TRIM44: variants seen among roughly 807,000 people sequenced by gnomAD.
TRIM44 encodes the protein tripartite motif containing 44.
Under a neutral mutation model 37.4 loss-of-function variants are expected in TRIM44, and 13 were observed. That is an observed-to-expected ratio of 0.35 (90% confidence interval 0.23 to 0.55). TRIM44 has a LOEUF of 0.55. Among genes scored for constraint, TRIM44 ranks in the 20% least tolerant of loss-of-function variants. The probability of loss-of-function intolerance (pLI) is 0.89; values close to 1 mark genes in which losing one functional copy is unlikely to be tolerated. For missense variants in TRIM44, 426 were observed against 437.2 expected, an observed-to-expected ratio of 0.97 and a Z score of 0.23; for synonymous variants, 175 against 157.2, an observed-to-expected ratio of 1.11 and a Z score of -0.85.
At chr11:35,773,382 T>C (rs988122561) in intron 4 of TRIM44, among the ~76,000 whole-genome samples, 4 of 152,192 alleles carry the variant, frequency 2.6e-5, no homozygotes, top group African/African-American at 9.7e-5. Context: ...TTCCAGATGT[T>C]AGACCTTTGT....
At chr11:35,708,522 A>T (rs1851919328) in intron 2 of TRIM44, among the ~76,000 whole-genome samples, 1 of 151,884 alleles carries the variant, frequency 6.6e-6, no homozygotes, top group South Asian at 2.1e-4. Context: ...CAAATGTCCA[A>T]CAATGATAGA....
intron 4 of TRIM44, among the ~76,000 whole-genome samples, chr11:35,800,598 C>T (rs1042149303): frequency 1.6e-4 from 25 of 152,202 alleles, no homozygotes; most frequent in African/African-American, 5.8e-4. Context: ...ACTTCCCACT[C>T]GACCCAGGAG....
intron 4 of TRIM44, among the ~76,000 whole-genome samples, chr11:35,788,488 T>C (rs1196858223): frequency 6.6e-6 from 1 of 152,196 alleles, no homozygotes; most frequent in Non-Finnish European, 1.5e-5. Context: ...ATCAGATTCA[T>C]GGAGTCCTTC....
chr11:35,741,028 T>TA (rs978054174), intron 4 of TRIM44, among the ~76,000 whole-genome samples: 88 of 152,274 alleles, frequency 5.8e-4, no homozygotes, highest in African/African-American at 2.1e-3. Flanking sequence ...AAGTTAGTGA[T>TA]ACGCTTAGGT....
Position 35,806,498 on chromosome 11 carries a change from C to G in TRIM44, c.*113C>G, listed in dbSNP as rs998319679. 8.8e-7 allele frequency: 1 copy of G among 1,134,428 alleles called. No individual in the cohort carries two copies. Among genetic ancestry groups the G allele is most frequent in the African/African-American group, 1.5e-5 (1 of 65,770 alleles). 70.3% of individuals were successfully genotyped at this position (1,134,428 alleles called of 1,614,324 possible). A position where few individuals can be genotyped will look rare whatever the true frequency, so the allele number is the denominator to read the frequency against. On this transcript the variant is annotated 3_prime_UTR_variant, in exon 5 of 5. Transcript: ENST00000299413. ...CTGCTCAGCAACAAACGTACTTCCA[C>G]CAGATGTGTCCCCAGATCCACAGCA... is the stretch of plus-strand genomic sequence containing the variant.
chr11:35,716,147 G>A (rs1852037688), intron 2 of TRIM44, among the ~76,000 whole-genome samples: 1 of 152,210 alleles, frequency 6.6e-6, no homozygotes, highest in African/African-American at 2.4e-5. Flanking sequence ...GGCAGAGGGA[G>A]TGAAGAGCAC....
intron 2 of TRIM44, among the ~76,000 whole-genome samples, chr11:35,701,890 C>G (rs1051465188): frequency 6.6e-6 from 1 of 152,184 alleles, no homozygotes; most frequent in African/African-American, 2.4e-5. Flanking sequence ...GTAAGTAGTT[C>G]TTACCATTTT....
rs1426872018 is a variant in TRIM44, at chr11:35,726,100, T to A, written c.924T>A (p.Thr308=). The stretch of plus-strand genomic sequence containing the variant: ...AATCCCACATGGATAGGTTGATGAC[T>A]CAGATGGCCCAAGCCAAGGAACAAC... The part of the protein sequence containing the change: ...DIQSHMDRLM[T]QMAQAKEQLD... Residue 308 remains threonine, a synonymous_variant, in exon 3 of 5, where the codon ACT becomes ACA. Transcript: ENST00000299413. 1.2e-6 allele frequency: 2 copies of A among 1,614,080 alleles called. No individual in the cohort carries two copies. Among genetic ancestry groups the A allele is most frequent in the Non-Finnish European group, 1.7e-6 (2 of 1,180,008 alleles).
In TRIM44 at chr11:35,663,636, C is replaced by A. The variant is rs781537742; in HGVS notation, c.525C>A (p.Ala175=). 3.7e-6 allele frequency: 6 copies of A among 1,613,926 alleles called. No individual in the cohort carries two copies. The Admixed American group carries it at 5.0e-5, about 13-fold the overall frequency. The change falls in exon 1 of 5, where the codon GCC becomes GCA. Residue 175 remains alanine (A), a synonymous_variant. Coordinates refer to ENST00000299413, the MANE Select transcript of TRIM44 (RefSeq NM_017583.6). ...PEIEMEAERV[A]KRKCPDHGLD... ...TAGAAATGGAAGCAGAGAGAGTGGC[C>A]AAGAGGAAGTGTCCGGACCATGGGC...
intron 4 of TRIM44, among the ~76,000 whole-genome samples, chr11:35,758,183 C>G (rs560357539): frequency 6.6e-6 from 1 of 152,270 alleles, no homozygotes; most frequent in Admixed American, 6.5e-5. Flanking sequence ...CTGGGTGCTC[C>G]TGTATTGGGT....
At chr11:35,739,063 G>GTTGT (rs1446221853) in intron 4 of TRIM44, among the ~76,000 whole-genome samples, 1 of 152,114 alleles carries the variant, frequency 6.6e-6, no homozygotes. Context: ...TGATTTCCCA[G>GTTGT]TTGTTTGATA....
chr11:35,699,690 A>G (rs1851757289), intron 2 of TRIM44, among the ~76,000 whole-genome samples: 1 of 151,730 alleles, frequency 6.6e-6, no homozygotes, highest in Non-Finnish European at 1.5e-5. Context: ...ACATGATTGT[A>G]TATCTAGAAA....
At chr11:35,720,655 T>A (rs1234218213) in intron 2 of TRIM44, among the ~76,000 whole-genome samples, 2 of 152,086 alleles carry the variant, frequency 1.3e-5, no homozygotes, top group Admixed American at 6.6e-5. Context: ...GACCATTAAG[T>A]GTGTTGTTGG....
chr11:35,663,850 C>T, intron 1 of TRIM44, 70 bp downstream of exon 1: 1 of 1,509,666 alleles, frequency 6.6e-7, no homozygotes, highest in African/African-American at 1.4e-5. Context: ...GGTGGCCTGG[C>T]TGTGACCACA....
chr11:35,806,266 T>C, intron 4 of TRIM44, 92 bp from the exon 5 acceptor site: 1 of 1,379,266 alleles, frequency 7.3e-7, no homozygotes, highest in Non-Finnish European at 1.0e-6. Flanking sequence ...TCCAGGTATG[T>C]CTGACATAAA....
At chr11:35,789,369 T>TCCTAAA (rs1285325098) in intron 4 of TRIM44, among the ~76,000 whole-genome samples, 1 of 152,188 alleles carries the variant, frequency 6.6e-6, no homozygotes, top group Non-Finnish European at 1.5e-5. Context: ...CAGCAATATG[T>TCCTAAA]CATGAAAGTT....
chr11:35,776,400 A>C lies in TRIM44; in HGVS notation c.1008-29958A>C, dbSNP rs539796446. Among the ~76,000 whole-genome samples the C allele has an allele frequency of 2.6e-5, 4 of 152,248 alleles. No individual in the cohort carries two copies. In the South Asian group the frequency reaches 8.3e-4, roughly 32 times the overall value. On this transcript the variant is annotated intron_variant, in intron 4 of 4. Transcript: ENST00000299413. ...TCTATCAATTTTGTTGATGTTTTCA[A>C]AAAACCAGCTCCTGGATTCATTGAT...
intron 4 of TRIM44, among the ~76,000 whole-genome samples, chr11:35,767,284 A>C (rs1852810579): frequency 6.6e-6 from 1 of 152,202 alleles, no homozygotes. Context: ...TGGTGAAAGA[A>C]AAACATGGAC....
chr11:35,710,124 C>T (rs1411728835), intron 2 of TRIM44, among the ~76,000 whole-genome samples: 2 of 152,162 alleles, frequency 1.3e-5, no homozygotes, highest in African/African-American at 2.4e-5. Flanking sequence ...GTGATTGTTA[C>T]AGGCGCATAC....
Sources: allele counts gnomAD v4.1 joint callset (sites outside exome capture counted in the v4.1 genomes callset), GRCh38; gene constraint gnomAD v4.1.1; transcripts MANE v1.5; gene names NCBI Gene and HGNC (gene_info 2026-07-23, HGNC 2026-07-21).